Variants in REXO1 observed in about 807,000 individuals in gnomAD.
The protein encoded by REXO1 is RNA exonuclease 1 homolog.
In REXO1, 42 loss-of-function variants were observed where a neutral mutation model predicts 102.6. The observed-to-expected ratio is 0.41, with a 90% CI of 0.32 to 0.53. The LOEUF (loss-of-function observed/expected upper bound fraction) is 0.53, where lower values mean the gene tolerates loss of function less well. Among genes scored for constraint, REXO1 ranks in the 20% least tolerant of loss-of-function variants. The probability of loss-of-function intolerance (pLI) is 0.27; values close to 1 mark genes in which losing one functional copy is unlikely to be tolerated. For synonymous variants in REXO1, 908 were observed against 779.1 expected (o/e 1.17, Z -2.76); for missense variants, 1,819 against 1,732.5 (o/e 1.05, Z -0.89).
Position 1,848,411 on chromosome 19 carries a change from C to T in REXO1, c.-53G>A. 5.2e-6 allele frequency: 6 copies of T among 1,156,116 alleles called. No individual in the cohort carries two copies. The highest frequency in any genetic ancestry group is 5.3e-6 in the Non-Finnish European group (5 of 934,636). The allele number at this position is 1,156,116 out of a possible 1,614,324, so 71.6% of individuals were successfully genotyped here. A position where few individuals can be genotyped will look rare whatever the true frequency, so the allele number is the denominator to read the frequency against. On this transcript the variant is annotated 5_prime_UTR_variant, in exon 1 of 16. Transcript: ENST00000170168. ...CGGAGCCGCCCGGGCCCCAGGGCCC[C>T]CTCACTGGCGCCGCGGTCGCCGCCG...
intron 1 of REXO1, among the ~76,000 whole-genome samples, chr19:1,837,639 T>C (rs750365495): frequency 6.6e-5 from 10 of 152,188 alleles, no homozygotes; most frequent in Admixed American, 6.5e-4. Flanking sequence ...CTGTGGAGGC[T>C]GGGCTGTGCC....
chr19:1,837,476 G>C (rs2070072915), intron 1 of REXO1, among the ~76,000 whole-genome samples: 1 of 152,204 alleles, frequency 6.6e-6, no homozygotes, highest in Admixed American at 6.5e-5. Context: ...GCAGAAACAG[G>C]GTCACCTGGA....
chr19:1,820,475 G>T (rs955726479), intron 5 of REXO1, 80 bp from the exon 6 acceptor site: 3 of 1,540,650 alleles, frequency 1.9e-6, no homozygotes, highest in Non-Finnish European at 2.7e-6. Context: ...ATGAGGCCGT[G>T]CCCATGGCTG....
chr19:1,815,525 G>A lies in REXO1; in HGVS notation c.*541C>T, dbSNP rs2069334597. The A allele has an allele frequency of 2.2e-5, 8 of 361,292 alleles. No individual in the cohort carries two copies. Among genetic ancestry groups the A allele is most frequent in the South Asian group, 3.8e-5 (1 of 26,082 alleles). 22.4% of individuals were successfully genotyped at this position (361,292 alleles called of 1,614,324 possible). ...GCGGGTCCAGCCCACACTGCGCTGA[G>A]TGTGGCCCTGGCCCCCACTGGGGTC... is the stretch of plus-strand genomic sequence containing the variant. On this transcript the variant is annotated 3_prime_UTR_variant, in exon 16 of 16. Transcript: ENST00000170168. The surrounding 1 kb of genome is among the most constrained non-coding windows in gnomAD (Gnocchi z 4.0).
chr19:1,819,127 G>A lies in REXO1; in HGVS notation c.2655C>T (p.Thr885=), dbSNP rs757069812. ...CGTGGGACACAACCCTGCGGCCACT[G>A]GTTTCTGGAAGGAAGGGAGGGAGGG... ...APSAVPGLSK[T]SGRRVVSHEV... Residue 885 remains threonine, a synonymous_variant, in exon 8 of 16, where the codon ACC becomes ACT. Transcript: ENST00000170168. The A allele has an allele frequency of 1.7e-5, 26 of 1,563,218 alleles. No individual in the cohort carries two copies. In the Admixed American group the frequency reaches 4.3e-4, roughly 26 times the overall value.
Position 1,820,414 on chromosome 19 carries a change from C to T in REXO1, c.2395-19G>A. On this transcript the variant is annotated intron_variant, in intron 5 of 15. Transcript: ENST00000170168. ...TTAAACTCTAGAGGGAAGGCAAAAG[C>T]TGCCATGGGTGAGGGCCTCCACAAG... The T allele has an allele frequency of 6.2e-7, 1 of 1,611,684 alleles. No individual in the cohort carries two copies. Among genetic ancestry groups the T allele is most frequent in the Non-Finnish European group, 8.5e-7 (1 of 1,179,130 alleles).
intron 1 of REXO1, among the ~76,000 whole-genome samples, chr19:1,832,245 C>G (rs1403160535): frequency 6.6e-6 from 1 of 152,192 alleles, no homozygotes; most frequent in East Asian, 1.9e-4. Context: ...CCCCGGAAGC[C>G]TTCGGGAGGC....
chr19:1,823,434 G>C (rs1314864431), intron 4 of REXO1, 138 bp downstream of exon 4: 2 of 518,712 alleles, frequency 3.9e-6, no homozygotes, highest in Non-Finnish European at 6.0e-6. Context: ...GCAGGCTGAG[G>C]GCCCCAGGGA....
Position 1,827,811 on chromosome 19 carries a change from G to T in REXO1, c.978C>A (p.Gly326=). 1 of 1,606,722 alleles carries T rather than the reference G, an allele frequency of 6.2e-7. No homozygotes were observed. The change falls in exon 2 of 16, where the codon GGC becomes GGA. Residue 326 remains glycine (G), a synonymous_variant. Coordinates refer to ENST00000170168, the MANE Select transcript of REXO1 (RefSeq NM_020695.4). Reference sequence around the variant, plus strand: ...GCAGGCCGCCCCCCTCGGCCTCCAGGCCCTCTTTGGAGGGTGGCTGCCCGG... The same window carrying T: ...GCAGGCCGCCCCCCTCGGCCTCCAGTCCCTCTTTGGAGGGTGGCTGCCCGG... ...KATGQPPSKE[G]LEAEGGGLRE...
At chr19:1,824,076 A>G (rs1434756346) in intron 3 of REXO1, 1 of 336,308 alleles carries the variant, frequency 3.0e-6, no homozygotes, top group Non-Finnish European at 5.4e-6. Context: ...TGGCACTCCA[A>G]TCCAATCCCA....
At chr19:1,832,349 C>T (rs530151919) in intron 1 of REXO1, among the ~76,000 whole-genome samples, 12 of 152,316 alleles carry the variant, frequency 7.9e-5, no homozygotes, top group Admixed American at 7.8e-4. Context: ...TTAAGGCCCA[C>T]GGGGACGAAT....
In REXO1 at chr19:1,820,387, C is replaced by G. The variant is rs1336082621; in HGVS notation, c.2403G>C (p.Lys801Asn). Residue 801 changes from lysine (K) to asparagine (N), a missense_variant, in exon 6 of 16, where the codon AAG becomes AAC. Transcript: ENST00000170168. ...IAHSPSLQSLKKPIIPKEFGG... is the reference protein window; with the variant it reads ...IAHSPSLQSLNKPIIPKEFGG... ...CAAACTCTTTGGGGATAATGGGTTTCTTTAAACTCTAGAGGGAAGGCAAAA... is the reference window on the plus strand; with the variant it reads ...CAAACTCTTTGGGGATAATGGGTTTGTTTAAACTCTAGAGGGAAGGCAAAA... The G allele has an allele frequency of 6.2e-7, 1 of 1,613,310 alleles. No individual in the cohort carries two copies. Among genetic ancestry groups the G allele is most frequent in the Non-Finnish European group, 8.5e-7 (1 of 1,179,780 alleles).
Position 1,827,021 on chromosome 19 carries a change from T to TGGAGGAGGAGGA in REXO1, c.1756_1767dup (p.Ser586_Ser589dup), listed in dbSNP as rs3052937. 62 of 1,384,160 alleles carry TGGAGGAGGAGGA rather than the reference T, an allele frequency of 4.5e-5. 1 individual carries two copies. The East Asian group carries it at 4.8e-4, about 11-fold the overall frequency. The allele number at this position is 1,384,160 out of a possible 1,614,324, so 85.7% of individuals were successfully genotyped here. A position where few individuals can be genotyped will look rare whatever the true frequency, so the allele number is the denominator to read the frequency against. On this transcript the variant is annotated inframe_insertion, in exon 2 of 16. Coordinates refer to ENST00000170168, the MANE Select transcript of REXO1 (RefSeq NM_020695.4). The stretch of plus-strand genomic sequence containing the variant: ...TCCACATCCGCCCCCGCGCTGGAGG[T>TGGAGGAGGAGGA]GGAGGAGGAGGAGGAGGAGGAGGAG...
At chr19:1,828,861 C>A (rs1418174367) in intron 1 of REXO1, among the ~76,000 whole-genome samples, 2 of 152,252 alleles carry the variant, frequency 1.3e-5, no homozygotes, top group African/African-American at 2.4e-5. Flanking sequence ...CTGGATGGGC[C>A]TGGGCTGCGT....
chr19:1,830,200 T>C (rs1035732453), intron 1 of REXO1, among the ~76,000 whole-genome samples: 3 of 152,200 alleles, frequency 2.0e-5, no homozygotes, highest in Non-Finnish European at 4.4e-5. Flanking sequence ...AACTTGGAAG[T>C]TGACCATTAG....
chr19:1,828,236 G>A lies in REXO1; in HGVS notation c.553C>T (p.Leu185=). The change falls in exon 2 of 16, where the codon CTG becomes TTG. Residue 185 remains leucine (L), a synonymous_variant. Transcript: ENST00000170168. ...CCACCTCTGCCCTGACCCCTGTCCA[G>A]GGACGCCAGCGAGTACTTGCTGCCC... ...EPGSKYSLAS[L]DRGQGRGGGG... 1.9e-6 allele frequency: 3 copies of A among 1,606,590 alleles called. No homozygotes were observed. The highest frequency in any genetic ancestry group is 1.3e-5 in the African/African-American group (1 of 74,874).
In REXO1 at chr19:1,816,231, C is replaced by G. The variant is rs2069358361; in HGVS notation, c.3571G>C (p.Asp1191His). Reference protein sequence around the residue: ...MADYLRQIIQDNVDGHSSSED... With the variant: ...MADYLRQIIQHNVDGHSSSED... Reference sequence around the variant, plus strand: ...GGCAGGCACCGGCACTCACCATTGTCCTGGATGATCTGTCTGAGGTAGTCG... The same window carrying G: ...GGCAGGCACCGGCACTCACCATTGTGCTGGATGATCTGTCTGAGGTAGTCG... Residue 1191 changes from aspartate to histidine, a missense_variant, in exon 15 of 16, where the codon GAC (aspartate) becomes CAC (histidine). Asp to His is a moderately conservative substitution (Grantham distance 81). Coordinates refer to ENST00000170168, the MANE Select transcript of REXO1 (RefSeq NM_020695.4). The G allele has an allele frequency of 6.3e-7, 1 of 1,584,890 alleles. No homozygotes were observed.
chr19:1,842,195 C>A (rs2011315290), intron 1 of REXO1, among the ~76,000 whole-genome samples: 1 of 145,474 alleles, frequency 6.9e-6, no homozygotes, highest in African/African-American at 2.6e-5. Flanking sequence ...GCCTAGACGA[C>A]AGAGCCAGAT....
At chr19:1,835,657 A>G (rs2070019329) in intron 1 of REXO1, among the ~76,000 whole-genome samples, 2 of 152,136 alleles carry the variant, frequency 1.3e-5, no homozygotes, top group African/African-American at 4.8e-5. Flanking sequence ...TTTGGATAGG[A>G]GCAGGTGGGC....
Sources: allele counts gnomAD v4.1 joint callset (sites outside exome capture counted in the v4.1 genomes callset), GRCh38; gene constraint gnomAD v4.1.1; non-coding constraint Gnocchi (gnomAD v3.1); transcripts MANE v1.5; gene names NCBI Gene and HGNC (gene_info 2026-07-23, HGNC 2026-07-21).